Variants in DLG2 observed in about 807,000 individuals in gnomAD.
The protein encoded by DLG2 is discs large MAGUK scaffold protein 2.
DLG2 carries 45 observed loss-of-function variants against 132.5 expected under a neutral mutation model. That is an observed-to-expected ratio of 0.34 (90% CI 0.27 to 0.44). The LOEUF (loss-of-function observed/expected upper bound fraction) is 0.44. DLG2 is among the 20% of genes least tolerant of loss of function. The probability of loss-of-function intolerance (pLI) is 1.00; values close to 1 mark genes in which losing one functional copy is unlikely to be tolerated. For missense variants in DLG2, 1,045 were observed against 1,196.9 expected, an observed-to-expected ratio of 0.87 and a Z score of 1.87; for synonymous variants, 424 against 419.6, an observed-to-expected ratio of 1.01 and a Z score of -0.13.
At chr11:85,566,294 C>T (rs894985187) in intron 3 of DLG2, among the ~76,000 whole-genome samples, 20 of 152,088 alleles carry the variant, frequency 1.3e-4, no homozygotes, top group African/African-American at 4.8e-4. Context: ...ATTGTGTGGG[C>T]TGCCTTTTAA....
intron 10 of DLG2, among the ~76,000 whole-genome samples, chr11:84,084,134 T>G (rs2096940952): frequency 6.6e-6 from 1 of 152,154 alleles, no homozygotes; most frequent in African/African-American, 2.4e-5. Context: ...GGGCAACTAT[T>G]TGAAGAAAAA....
chr11:85,019,491 T>C (rs1007909833), intron 6 of DLG2, among the ~76,000 whole-genome samples: 8 of 152,278 alleles, frequency 5.3e-5, no homozygotes, highest in African/African-American at 1.7e-4. Context: ...TCATTATACT[T>C]TAAGTTCTGG....
intron 6 of DLG2, among the ~76,000 whole-genome samples, chr11:84,560,481 T>C (rs1168887304): frequency 6.6e-6 from 1 of 152,092 alleles, no homozygotes; most frequent in African/African-American, 2.4e-5. Context: ...AGAATAATGC[T>C]TCATCATGGC....
At chr11:84,960,083 A>T (rs2052329165) in intron 6 of DLG2, among the ~76,000 whole-genome samples, 1 of 152,248 alleles carries the variant, frequency 6.6e-6, no homozygotes. Context: ...ATTATTGTAC[A>T]TACTTAACAG....
intron 3 of DLG2, among the ~76,000 whole-genome samples, chr11:85,593,783 A>C (rs1420290287): frequency 6.6e-6 from 1 of 152,154 alleles, no homozygotes; most frequent in Non-Finnish European, 1.5e-5. Context: ...TCGAATTACT[A>C]TTAGGAAAAT....
At chr11:84,458,259 G>A (rs2154484415) in intron 7 of DLG2, among the ~76,000 whole-genome samples, 1 of 150,876 alleles carries the variant, frequency 6.6e-6, no homozygotes, top group Admixed American at 6.6e-5. Flanking sequence ...TGCTGATTTG[G>A]TTTCCTGATT....
At chr11:84,721,213 C>T (rs1565775189) in intron 6 of DLG2, among the ~76,000 whole-genome samples, 1 of 152,128 alleles carries the variant, frequency 6.6e-6, no homozygotes, top group Non-Finnish European at 1.5e-5. Context: ...CATGCCTTGC[C>T]GGGGGCAGAG....
intron 6 of DLG2, among the ~76,000 whole-genome samples, chr11:84,631,014 TCTCTCACACACACACACA>T (rs1465043342): frequency 1.6e-5 from 2 of 128,338 alleles, no homozygotes; most frequent in South Asian, 5.5e-4. Context: ...TCTCTCTCTC[TCTCTCACACACACACACA>T]CACACACACA....
chr11:85,289,585 G>C (rs946809047), intron 3 of DLG2, among the ~76,000 whole-genome samples: 5 of 152,148 alleles, frequency 3.3e-5, no homozygotes, highest in Admixed American at 3.3e-4. Context: ...TCTTCTTACA[G>C]CTTCAACAAA....
chr11:85,380,467 C>T (rs1351734347), intron 3 of DLG2, among the ~76,000 whole-genome samples: 1 of 152,120 alleles, frequency 6.6e-6, no homozygotes, highest in Non-Finnish European at 1.5e-5. Context: ...TGAGACCAGC[C>T]TGACCGACAT....
chr11:84,175,984 T>C (rs1397329270), intron 8 of DLG2, among the ~76,000 whole-genome samples: 1 of 152,114 alleles, frequency 6.6e-6, no homozygotes, highest in Non-Finnish European at 1.5e-5. Context: ...GTTGTTTATA[T>C]CTAACATTTT....
chr11:85,018,193 AG>A, intron 6 of DLG2, among the ~76,000 whole-genome samples: 1 of 152,300 alleles, frequency 6.6e-6, no homozygotes, highest in Non-Finnish European at 1.5e-5. Flanking sequence ...AATGAGCAAA[AG>A]TATAACAAAA....
At chr11:84,274,606 T>A (rs2097767654) in intron 7 of DLG2, among the ~76,000 whole-genome samples, 1 of 152,210 alleles carries the variant, frequency 6.6e-6, no homozygotes, top group Non-Finnish European at 1.5e-5. Context: ...GCCCTTGTAG[T>A]GTTAAAGTCT....
intron 7 of DLG2, among the ~76,000 whole-genome samples, chr11:84,351,052 G>C (rs1161357608): frequency 2.0e-5 from 3 of 151,940 alleles, no homozygotes; most frequent in African/African-American, 7.3e-5. Context: ...CTATTATACA[G>C]AACTTTAGAT....
chr11:84,686,881 C>T (rs1208196901), intron 6 of DLG2: 1 of 152,054 alleles, frequency 6.6e-6, no homozygotes, highest in Non-Finnish European at 1.5e-5. Flanking sequence ...GGCACCTCCT[C>T]CTTGGCTCCT....
intron 6 of DLG2, among the ~76,000 whole-genome samples, chr11:84,739,647 A>G (rs931610285): frequency 1.3e-5 from 2 of 152,188 alleles, no homozygotes. Context: ...TTGAAACATA[A>G]AACTACCTGG....
chr11:84,706,504 A>G (rs2059796580), intron 6 of DLG2, among the ~76,000 whole-genome samples: 1 of 151,796 alleles, frequency 6.6e-6, no homozygotes, highest in Non-Finnish European at 1.5e-5. Flanking sequence ...ATTAGATTAA[A>G]TGGAACTGAG....
At chr11:84,365,569 G>T (rs1455101117) in intron 7 of DLG2, among the ~76,000 whole-genome samples, 1 of 151,764 alleles carries the variant, frequency 6.6e-6, no homozygotes, top group Non-Finnish European at 1.5e-5. Flanking sequence ...GAATGTGTTT[G>T]CTCTTGCTTT....
chr11:84,164,907 C>T (rs1199158499), intron 8 of DLG2, among the ~76,000 whole-genome samples: 1 of 152,176 alleles, frequency 6.6e-6, no homozygotes, highest in Non-Finnish European at 1.5e-5. Context: ...GCTTCAGCAA[C>T]TTAATGACTC....
Sources: gnomAD v4.1 joint callset for allele counts (sites outside exome capture counted in the v4.1 genomes callset) on GRCh38, gnomAD v4.1.1 for gene constraint, MANE v1.5 for transcripts, NCBI Gene and HGNC (gene_info 2026-07-23, HGNC 2026-07-21) for gene names.